The following RASIP1 variants were observed in gnomAD, a reference collection of about 807,000 sequenced individuals.
RASIP1 encodes the protein ras-interacting protein 1.
In RASIP1, 20 loss-of-function variants were observed where a neutral mutation model predicts 85.3. That is an observed-to-expected ratio of 0.23 (90% confidence interval 0.17 to 0.34). RASIP1 has a LOEUF of 0.34. Among genes scored for constraint, RASIP1 ranks in the 10% least tolerant of loss-of-function variants. The pLI is 1.00. For missense variants in RASIP1, 1,170 were observed against 1,390.9 expected, an observed-to-expected ratio of 0.84 and a Z score of 2.53; for synonymous variants, 617 against 647.1, an observed-to-expected ratio of 0.95 and a Z score of 0.71.
Position 48,720,718 on chromosome 19 carries a change from A to G in RASIP1, c.*80T>C. 1.4e-6 allele frequency: 2 copies of G among 1,473,004 alleles called. No homozygotes were observed. Among genetic ancestry groups the G allele is most frequent in the Non-Finnish European group, 1.9e-6 (2 of 1,060,616 alleles). 91.2% of individuals were successfully genotyped at this position (1,473,004 alleles called of 1,614,324 possible). On this transcript the variant is annotated 3_prime_UTR_variant, in exon 12 of 12. Transcript: ENST00000222145. ...GCGGGATAAGAACTACAACTCCCAG[A>G]AAGCTTTGCGCTCAGGCGGGCTCCT...
At chr19:48,729,645 T>C in intron 4 of RASIP1, 55 bp from the exon 5 acceptor site, 1 of 1,497,944 alleles carries the variant, frequency 6.7e-7, no homozygotes, top group South Asian at 1.2e-5. Context: ...TATCTTCAGA[T>C]CTGTTCTCTC....
At chr19:48,721,022 T>C (rs747033302) in intron 11 of RASIP1, 25 bp from the exon 12 acceptor site, 35 of 1,555,832 alleles carry the variant, frequency 2.2e-5, no homozygotes, top group Non-Finnish European at 2.9e-5. Flanking sequence ...GCGGCGCGGT[T>C]AGAGTCTGAA....
At chr19:48,737,867 A>T in intron 3 of RASIP1, 3 of 985,232 alleles carry the variant, frequency 3.0e-6, no homozygotes, top group Non-Finnish European at 3.6e-6. Flanking sequence ...GCTCCCAAGA[A>T]CATTGTCCGT....
In RASIP1 at chr19:48,724,090, G is replaced by A. The variant is rs562577406; in HGVS notation, c.2544+247C>T. The stretch of plus-strand genomic sequence containing the variant: ...CCCAAAGTGTTGGGATTATAGGCGC[G>A]AGCCACTGCTCCTGGCCTGGAAACT... On this transcript the variant is annotated intron_variant, in intron 10 of 11. Transcript: ENST00000222145. This position sits in a 1 kb window ranked among gnomAD's most constrained non-coding sequence, Gnocchi z 4.6. Among the ~76,000 whole-genome samples the A allele has an allele frequency of 7.9e-5, 12 of 152,348 alleles. No homozygotes were observed. In the South Asian group the frequency reaches 1.7e-3, roughly 21 times the overall value.
In RASIP1 at chr19:48,722,300, A is replaced by ATTTT. The variant is rs71179038; in HGVS notation, c.2545-303_2545-300dup. Among the ~76,000 whole-genome samples, 169 of 98,290 alleles carry ATTTT rather than the reference A, an allele frequency of 1.7e-3. 5 individuals carry two copies. The highest frequency in any genetic ancestry group is 6.3e-3 in the African/African-American group (153 of 24,286). 64.5% of individuals were successfully genotyped at this position (98,290 alleles called of 152,430 possible). Reference sequence around the variant, plus strand: ...TTGAATCTGGCGATGGTACTTGGGGATTTTTTTTTTTTTTTTTTTTTTTTG... The same window carrying ATTTT: ...TTGAATCTGGCGATGGTACTTGGGGATTTTTTTTTTTTTTTTTTTTTTTTTTTTG... On this transcript the variant is annotated intron_variant, in intron 10 of 11. Transcript: ENST00000222145.
intron 4 of RASIP1, among the ~76,000 whole-genome samples, chr19:48,731,164 C>G (rs1023340411): frequency 6.6e-6 from 1 of 152,176 alleles, no homozygotes; most frequent in African/African-American, 2.4e-5. Context: ...ATCCCAGCTA[C>G]TCGGGAGGCT....
At position 48,735,237 on chromosome 19, in the gene RASIP1, G is replaced by T. The variant is rs779241127; in HGVS notation, c.1138C>A (p.Arg380Ser). ...TQCLIQAPSN[R>S]PYFLLLQGYQ... is the part of the protein sequence containing the mutation. ...CCCTGGAGCAGCAGGAAGTAGGGGCGGTTGCTGGGGGCCTGGATGAGGCAC... is the reference window on the plus strand; with the variant it reads ...CCCTGGAGCAGCAGGAAGTAGGGGCTGTTGCTGGGGGCCTGGATGAGGCAC... The change falls in exon 4 of 12, where the codon CGC (arginine) becomes AGC (serine). Residue 380 changes from arginine to serine, a missense_variant. By Grantham distance (110) the Arg-to-Ser change is moderately radical. Around this residue, in one of 4 missense-constraint regions of RASIP1, gnomAD observed 301 missense variants for 294.8 expected, o/e 1.02. Transcript: ENST00000222145. The T allele has an allele frequency of 1.2e-5, 19 of 1,613,410 alleles. 1 individual carries two copies. Among genetic ancestry groups the T allele is most frequent in the Admixed American group, 1.0e-4 (6 of 59,992 alleles).
At chr19:48,733,489 T>C (rs2033499538) in intron 4 of RASIP1, among the ~76,000 whole-genome samples, 1 of 152,176 alleles carries the variant, frequency 6.6e-6, no homozygotes, top group Non-Finnish European at 1.5e-5. Flanking sequence ...ATTGTTCCAA[T>C]GTAAAGCATC....
intron 3 of RASIP1, among the ~76,000 whole-genome samples, chr19:48,736,273 G>T (rs2033570471): frequency 6.6e-6 from 1 of 151,804 alleles, no homozygotes; most frequent in African/African-American, 2.4e-5. Context: ...AAATGTGGCA[G>T]GTGCCTGTAG....
Position 48,739,329 on chromosome 19 carries a change from C to G in RASIP1, c.454G>C (p.Gly152Arg). The G allele has an allele frequency of 7.3e-7, 1 of 1,372,462 alleles. No individual in the cohort carries two copies. The highest frequency in any genetic ancestry group is 9.4e-7 in the Non-Finnish European group (1 of 1,067,162). 85.0% of individuals were successfully genotyped at this position (1,372,462 alleles called of 1,614,324 possible). ...TTGGCGCCCGATGCCAGTCCGGCGC[C>G]GAAGATCTTGAGGACCCCCGGAGGC... ...TAPPGVLKIF[G>R]AGLASGANYK... is the part of the protein sequence containing the mutation. Residue 152 changes from glycine to arginine, a missense_variant, in exon 3 of 12, where the codon GGC becomes CGC. Transcript: ENST00000222145. The surrounding 1 kb of genome is among the most constrained non-coding windows in gnomAD (Gnocchi z 9.2).
chr19:48,722,026 T>C (rs772917995), intron 10 of RASIP1, 25 bp from the exon 11 acceptor site: 11 of 1,387,742 alleles, frequency 7.9e-6, no homozygotes, highest in Admixed American at 7.7e-5. Flanking sequence ...AGGTGAGAGG[T>C]TGATGGTCAT....
chr19:48,735,536 G>C lies in RASIP1; in HGVS notation c.839C>G (p.Ser280Trp). The part of the protein sequence containing the change: ...AADSEGTGAP[S>W]WRPQKNRSRA... ...GGAGCGGTTCTTCTGTGGCCGCCAC[G>C]AAGGGGCGCCGGTGCCTGCGGAGAG... Residue 280 changes from serine to tryptophan, a missense_variant, in exon 4 of 12, where the codon TCG becomes TGG. Physicochemically the swap from Ser to Trp is radical, Grantham distance 177. Coordinates refer to ENST00000222145, the MANE Select transcript of RASIP1 (RefSeq NM_017805.3). 6.5e-7 allele frequency: 1 copy of C among 1,540,274 alleles called. No homozygotes were observed. Among genetic ancestry groups the C allele is most frequent in the Non-Finnish European group, 8.8e-7 (1 of 1,141,210 alleles).
In RASIP1 at chr19:48,729,321, G is replaced by T. The variant is rs1459505754; in HGVS notation, c.1449C>A (p.Phe483Leu). 13 of 1,559,750 alleles carry T rather than the reference G, an allele frequency of 8.3e-6. No homozygotes were observed. Among genetic ancestry groups the T allele is most frequent in the Non-Finnish European group, 1.0e-5 (12 of 1,152,752 alleles). ...TGCGGGGGTCCTTGTACATGAACAG[G>T]AAGTGCTCGCCCAGCCCCAGGAGGT... ...PGDLLGLGEH[F>L]LFMYKDPRTG... Residue 483 changes from phenylalanine (F) to leucine (L), a missense_variant, in exon 5 of 12, where the codon TTC becomes TTA. Coordinates refer to ENST00000222145, the MANE Select transcript of RASIP1 (RefSeq NM_017805.3).
chr19:48,734,175 G>A (rs1445084775), intron 4 of RASIP1, among the ~76,000 whole-genome samples: 1 of 151,154 alleles, frequency 6.6e-6, no homozygotes, highest in African/African-American at 2.4e-5. Flanking sequence ...GGCGCCTGTA[G>A]TCCCAGCTAC....
intron 8 of RASIP1, among the ~76,000 whole-genome samples, chr19:48,725,816 C>A (rs2033332710): frequency 6.6e-6 from 1 of 152,072 alleles, no homozygotes; most frequent in African/African-American, 2.4e-5. Flanking sequence ...TTAACAGTGA[C>A]TGAAGAGTAG....
chr19:48,723,177 C>T lies in RASIP1; in HGVS notation c.2544+1160G>A, dbSNP rs528904984. Among the ~76,000 whole-genome samples the T allele has an allele frequency of 2.8e-4, 43 of 152,322 alleles. No homozygotes were observed. In the South Asian group the frequency reaches 7.5e-3, roughly 26 times the overall value. On this transcript the variant is annotated intron_variant, in intron 10 of 11. Transcript: ENST00000222145. ...CTGGCATTACAGGCATTAGCCACTACGCCCAGCCCATTATAAACATTTGAT... is the reference window on the plus strand; with the variant it reads ...CTGGCATTACAGGCATTAGCCACTATGCCCAGCCCATTATAAACATTTGAT...
At chr19:48,737,895 C>T (rs1423588694) in intron 3 of RASIP1, 5 of 985,212 alleles carry the variant, frequency 5.1e-6, no homozygotes, top group Admixed American at 6.2e-5. Flanking sequence ...CTTCCGGCTC[C>T]TAGGTCTCCA....
chr19:48,722,982 C>G (rs2033276450), intron 10 of RASIP1, among the ~76,000 whole-genome samples: 2 of 152,116 alleles, frequency 1.3e-5, no homozygotes, highest in African/African-American at 4.8e-5. Context: ...ACCTCCTGGG[C>G]TCAAGCAGTC....
intron 10 of RASIP1, 62 bp from the exon 11 acceptor site, chr19:48,722,063 A>T (rs2033258186): frequency 2.2e-6 from 3 of 1,334,138 alleles, no homozygotes; most frequent in Non-Finnish European, 3.0e-6. Context: ...AATGAAATGG[A>T]AGGGCTTCCA....
Sources: allele counts gnomAD v4.1 joint callset (sites outside exome capture counted in the v4.1 genomes callset), GRCh38; gene constraint gnomAD v4.1.1; regional missense constraint gnomAD v4.1.1; non-coding constraint Gnocchi (gnomAD v3.1); transcripts MANE v1.5; gene names NCBI Gene and HGNC (gene_info 2026-07-23, HGNC 2026-07-21).